Variants in CTDSP2 observed in about 807,000 individuals in gnomAD.
CTDSP2 encodes the protein CTD small phosphatase 2.
Under a neutral mutation model 31.6 loss-of-function variants are expected in CTDSP2, and 9 were observed. The ratio of observed to expected loss-of-function variants is 0.28; its 90% CI spans 0.17 to 0.50. The LOEUF is 0.50. Ranked by LOEUF, CTDSP2 falls within the 20% of genes least tolerant of loss-of-function variation. CTDSP2 has a pLI of 0.98. For synonymous variants in CTDSP2, 134 were observed against 134.5 expected (o/e 1.00, Z 0.03); for missense variants, 267 against 348.5 (o/e 0.77, Z 1.86).
At chr12:57,825,974 G>A (rs1956180233) in intron 5 of CTDSP2, among the ~76,000 whole-genome samples, 1 of 152,138 alleles carries the variant, frequency 6.6e-6, no homozygotes, top group Non-Finnish European at 1.5e-5. Context: ...ATCTTAACAG[G>A]TATAGATACC....
intron 1 of CTDSP2, among the ~76,000 whole-genome samples, chr12:57,840,399 C>A (rs1592243183): frequency 6.6e-6 from 1 of 152,202 alleles, no homozygotes; most frequent in East Asian, 1.9e-4. Flanking sequence ...TTTCTGCAAG[C>A]CTTAGAGGAC....
intron 5 of CTDSP2, among the ~76,000 whole-genome samples, chr12:57,825,510 A>T (rs147862303): frequency 5.2e-4 from 79 of 152,340 alleles, no homozygotes; most frequent in African/African-American, 1.8e-3. Context: ...CATCTTTTCT[A>T]CAAGGGTTTA....
chr12:57,838,127 G>T (rs1244470823), intron 1 of CTDSP2, among the ~76,000 whole-genome samples: 5 of 152,186 alleles, frequency 3.3e-5, no homozygotes, highest in Non-Finnish European at 5.9e-5. Flanking sequence ...CTGGGTTGGG[G>T]TGGGCCTCCA....
chr12:57,824,975 G>A (rs1956173995), intron 5 of CTDSP2, among the ~76,000 whole-genome samples: 1 of 152,092 alleles, frequency 6.6e-6, no homozygotes. Context: ...AGCCTACACA[G>A]CTGCTACTAG....
At chr12:57,824,737 C>T (rs768461903) in intron 5 of CTDSP2, 1 of 525,032 alleles carries the variant, frequency 1.9e-6, no homozygotes, top group Non-Finnish European at 3.9e-6. Context: ...ACAGTCTGTC[C>T]AGGTCATGAT....
rs1956160461 is a variant in CTDSP2, at chr12:57,823,380, AAC to A, written c.*220_*221del. On this transcript the variant is annotated 3_prime_UTR_variant, in exon 8 of 8. Coordinates refer to ENST00000398073, the MANE Select transcript of CTDSP2 (RefSeq NM_005730.4). Reference sequence around the variant, plus strand: ...ACAAACACACACTCTCTCACAGTCAAACACACATCTCAACAAGTTGGCGGCAG... The same window carrying A: ...ACAAACACACACTCTCTCACAGTCAAACACATCTCAACAAGTTGGCGGCAG... The A allele has an allele frequency of 1.7e-6, 1 of 580,116 alleles. No individual in the cohort carries two copies. Among genetic ancestry groups the A allele is most frequent in the African/African-American group, 1.9e-5 (1 of 53,526 alleles). The allele number at this position is 580,116 out of a possible 1,614,324, so 35.9% of individuals were successfully genotyped here.
At position 57,826,381 on chromosome 12, in the gene CTDSP2, T is replaced by C. The variant is rs1595187731; in HGVS notation, c.376A>G (p.Ile126Val). 6.2e-7 allele frequency: 1 copy of C among 1,614,152 alleles called. No homozygotes were observed. The highest frequency in any genetic ancestry group is 8.5e-7 in the Non-Finnish European group (1 of 1,180,014). Residue 126 changes from isoleucine to valine, a missense_variant, in exon 5 of 8, where the codon ATA (isoleucine) becomes GTA (valine). Physicochemically the swap from Ile to Val is conservative, Grantham distance 29. Coordinates refer to ENST00000398073, the MANE Select transcript of CTDSP2 (RefSeq NM_005730.4). ...GTCCCCTCAATCTCTATAGGCACTA[T>C]GAAGTCAGCATTGTTGATTGGCTGG... Reference protein sequence around the residue: ...SFKPINNADFIVPIEIEGTTH... With the variant: ...SFKPINNADFVVPIEIEGTTH...
intron 1 of CTDSP2, among the ~76,000 whole-genome samples, chr12:57,839,580 T>C (rs1211978062): frequency 6.6e-6 from 1 of 151,894 alleles, no homozygotes; most frequent in Non-Finnish European, 1.5e-5. Flanking sequence ...TAGCCGGGCG[T>C]GGTGGCGGGC....
chr12:57,827,791 C>G (rs1956192233), intron 2 of CTDSP2, among the ~76,000 whole-genome samples: 1 of 152,238 alleles, frequency 6.6e-6, no homozygotes, highest in East Asian at 1.9e-4. Flanking sequence ...CACATTAGGC[C>G]TGATGAAGGA....
rs559332561 is a variant in CTDSP2, at chr12:57,831,916, C to T, written c.65-2320G>A. ...AGTGGGTAATGGAAGAGCCATTTAA[C>T]ATCCAGTTACTGGGCTGCCAGTACC... On this transcript the variant is annotated intron_variant, in intron 1 of 7. Transcript: ENST00000398073. Among the ~76,000 whole-genome samples the T allele has an allele frequency of 2.0e-5, 3 of 152,340 alleles. No individual in the cohort carries two copies. The South Asian group carries it at 6.2e-4, about 32-fold the overall frequency.
chr12:57,832,716 C>T (rs1956223261), intron 1 of CTDSP2, among the ~76,000 whole-genome samples: 2 of 136,860 alleles, frequency 1.5e-5, no homozygotes, highest in African/African-American at 5.2e-5. Context: ...CACTTGAATC[C>T]GGGAGGCATA....
intron 1 of CTDSP2, among the ~76,000 whole-genome samples, chr12:57,837,424 T>G (rs1387199215): frequency 6.6e-6 from 1 of 152,144 alleles, no homozygotes; most frequent in Admixed American, 6.5e-5. Context: ...GGGCATTTTT[T>G]GAAAAAAGCA....
chr12:57,843,704 G>C (rs1956296161), intron 1 of CTDSP2, among the ~76,000 whole-genome samples: 1 of 152,180 alleles, frequency 6.6e-6, no homozygotes, highest in Non-Finnish European at 1.5e-5. Context: ...GGAGAGGACG[G>C]AGTGGGGAGA....
chr12:57,830,418 AAAC>A (rs1368976259), intron 1 of CTDSP2, among the ~76,000 whole-genome samples: 4 of 151,882 alleles, frequency 2.6e-5, no homozygotes, highest in Admixed American at 6.6e-5. Context: ...CAAACAAACA[AAAC>A]CAACAACAAC....
chr12:57,846,375 G>C lies in CTDSP2; in HGVS notation c.61C>G (p.Gln21Glu), dbSNP rs1956316341. 6.2e-7 allele frequency: 1 copy of C among 1,607,806 alleles called. No homozygotes were observed. Among genetic ancestry groups the C allele is most frequent in the Middle Eastern group, 1.7e-4 (1 of 6,044 alleles). ...TTTGGGAAGTTGCTGCCCCTACCTTGCTTGGTGAGCACCAGGGCGTCTTCC... is the reference window on the plus strand; with the variant it reads ...TTTGGGAAGTTGCTGCCCCTACCTTCCTTGGTGAGCACCAGGGCGTCTTCC... ...RREDALVLTK[Q>E]GLVSKSSPKK... Residue 21 changes from glutamine to glutamate, a missense_variant, in exon 1 of 8, where the codon CAA becomes GAA. Physicochemically the swap from Gln to Glu is conservative, Grantham distance 29. Transcript: ENST00000398073.
At chr12:57,824,145 C>T in intron 6 of CTDSP2, 56 bp from the exon 7 acceptor site, 1 of 1,611,368 alleles carries the variant, frequency 6.2e-7, no homozygotes, top group Non-Finnish European at 8.5e-7. Context: ...CCTGTATAAC[C>T]CTAGGGACCA....
At chr12:57,830,372 G>A (rs559658330) in intron 1 of CTDSP2, among the ~76,000 whole-genome samples, 3 of 152,146 alleles carry the variant, frequency 2.0e-5, no homozygotes, top group East Asian at 1.9e-4. Context: ...ATGACAGAGT[G>A]AGACTCCGTC....
At chr12:57,836,387 A>G (rs1451885595) in intron 1 of CTDSP2, among the ~76,000 whole-genome samples, 1 of 152,200 alleles carries the variant, frequency 6.6e-6, no homozygotes, top group Non-Finnish European at 1.5e-5. Flanking sequence ...GGGCCGGGGT[A>G]GGTGGCTCAA....
At chr12:57,832,566 C>T (rs1476827389) in intron 1 of CTDSP2, among the ~76,000 whole-genome samples, 1 of 151,772 alleles carries the variant, frequency 6.6e-6, no homozygotes, top group Non-Finnish European at 1.5e-5. Context: ...CCGAGGTGGG[C>T]GGATCGCCTG....
Sources: gnomAD v4.1 joint callset for allele counts (sites outside exome capture counted in the v4.1 genomes callset) on GRCh38, gnomAD v4.1.1 for gene constraint, MANE v1.5 for transcripts, NCBI Gene and HGNC (gene_info 2026-07-23, HGNC 2026-07-21) for gene names.